Variants in PPARGC1B observed in about 807,000 individuals in gnomAD.
The protein encoded by PPARGC1B is PPARG coactivator 1 beta, also known as peroxisome proliferator-activated receptor gamma coactivator 1-beta.
A neutral mutation model predicts 101.6 loss-of-function variants in PPARGC1B; 34 were observed. The observed-to-expected ratio is 0.33, with a 90% CI of 0.25 to 0.45. The LOEUF (loss-of-function observed/expected upper bound fraction) is 0.45. Ranked by LOEUF, PPARGC1B falls within the 20% of genes least tolerant of loss-of-function variation. The probability of loss-of-function intolerance (pLI) is 1.00; values close to 1 mark genes in which losing one functional copy is unlikely to be tolerated. For missense variants in PPARGC1B, 1,234 were observed against 1,317.6 expected (o/e 0.94, Z 0.98); for synonymous variants, 548 against 539.3 (o/e 1.02, Z -0.22).
At chr5:149,754,954 G>GTA (rs747721365) in intron 1 of PPARGC1B, among the ~76,000 whole-genome samples, 41 of 145,684 alleles carry the variant, frequency 2.8e-4, no homozygotes, top group Admixed American at 6.2e-4. Context: ...ACCAATTTTT[G>GTA]TATATATATA....
intron 1 of PPARGC1B, among the ~76,000 whole-genome samples, chr5:149,761,170 A>G (rs1755703399): frequency 6.6e-6 from 1 of 152,188 alleles, no homozygotes; most frequent in African/African-American, 2.4e-5. Context: ...TGATGTATGT[A>G]TATACTGTGA....
At chr5:149,759,115 C>G (rs1755631304) in intron 1 of PPARGC1B, among the ~76,000 whole-genome samples, 1 of 151,960 alleles carries the variant, frequency 6.6e-6, no homozygotes, top group African/African-American at 2.4e-5. Flanking sequence ...ATCATATTGT[C>G]TTTATGACTT....
Position 149,804,630 on chromosome 5 carries a change from G to A in PPARGC1B, c.79-15803G>A, listed in dbSNP as rs891023201. 2.0e-5 allele frequency among the ~76,000 whole-genome samples: 3 copies of A among 152,142 alleles called. No individual in the cohort carries two copies. The South Asian group carries it at 6.2e-4, about 31-fold the overall frequency. On this transcript the variant is annotated intron_variant, in intron 1 of 11. Transcript: ENST00000309241. Reference sequence around the variant, plus strand: ...GATTGCAGTGAGGTGAGCTCACACCGCTGCACTCCAGCTGGGGCGACAGAG... The same window carrying A: ...GATTGCAGTGAGGTGAGCTCACACCACTGCACTCCAGCTGGGGCGACAGAG...
intron 1 of PPARGC1B, chr5:149,771,832 T>G: frequency 2.6e-6 from 1 of 381,816 alleles, no homozygotes; most frequent in Non-Finnish European, 4.6e-6. Context: ...AGGCTCTGAG[T>G]TGTAGCATTT....
chr5:149,841,601 C>T lies in PPARGC1B; in HGVS notation c.2695-655C>T, dbSNP rs758943757. On this transcript the variant is annotated intron_variant, in intron 9 of 11. Transcript: ENST00000309241. ...CCAGGAACAAGCCTGCAGCTTCTCT[C>T]GCAGGTCAGAGTGATTTGTCCAATA... 2.2e-4 allele frequency among the ~76,000 whole-genome samples: 34 copies of T among 152,160 alleles called. 1 individual carries two copies. Among genetic ancestry groups the T allele is most frequent in the Admixed American group, 1.1e-3 (17 of 15,288 alleles).
intron 1 of PPARGC1B, among the ~76,000 whole-genome samples, chr5:149,746,116 G>A (rs1755080173): frequency 6.6e-6 from 1 of 152,202 alleles, no homozygotes; most frequent in African/African-American, 2.4e-5. Flanking sequence ...TGCTTCCACA[G>A]TGTGGTCAGG....
intron 1 of PPARGC1B, among the ~76,000 whole-genome samples, chr5:149,790,923 C>T (rs1336432901): frequency 6.6e-6 from 1 of 152,098 alleles, no homozygotes; most frequent in African/African-American, 2.4e-5. Flanking sequence ...GCCCAGGACC[C>T]TGCATTTTCA....
chr5:149,755,237 T>TA, intron 1 of PPARGC1B, among the ~76,000 whole-genome samples: 1 of 151,374 alleles, frequency 6.6e-6, no homozygotes, highest in African/African-American at 2.4e-5. Flanking sequence ...TTAAAAAAGT[T>TA]TTTTTTTAAG....
At chr5:149,797,382 T>C (rs1012543) in intron 1 of PPARGC1B, among the ~76,000 whole-genome samples, 34,104 of 152,202 alleles carry the variant, frequency 0.22, 4,204 homozygotes, top group East Asian at 0.33. Flanking sequence ...AAAGTATTAG[T>C]GGTAACGGTG....
chr5:149,801,337 G>A (rs1396145960), intron 1 of PPARGC1B, among the ~76,000 whole-genome samples: 1 of 152,150 alleles, frequency 6.6e-6, no homozygotes, highest in Admixed American at 6.5e-5. Flanking sequence ...TATATGATCT[G>A]CAAGCTCAAA....
At position 149,730,720 on chromosome 5, in the gene PPARGC1B, G is replaced by A. The variant is rs773714715; in HGVS notation, c.78+300G>A. ...CTGGGGGGTACCGCGCTTCCTTTGG[G>A]AGGTGGAGGCGCGCCACGGTGTGGG... is the stretch of plus-strand genomic sequence containing the variant. On this transcript the variant is annotated intron_variant, in intron 1 of 11. Transcript: ENST00000309241. This position sits in a 1 kb window ranked among gnomAD's most constrained non-coding sequence, Gnocchi z 4.0. Among the ~76,000 whole-genome samples, 2 of 152,204 alleles carry A rather than the reference G, an allele frequency of 1.3e-5. No individual in the cohort carries two copies. Among genetic ancestry groups the A allele is most frequent in the African/African-American group, 2.4e-5 (1 of 41,464 alleles).
chr5:149,761,616 T>C (rs1432942770), intron 1 of PPARGC1B: 2 of 152,224 alleles, frequency 1.3e-5, no homozygotes, highest in South Asian at 2.1e-4. Context: ...AAATGTGGTA[T>C]GTACATATAA....
intron 1 of PPARGC1B, among the ~76,000 whole-genome samples, chr5:149,758,399 C>G (rs753284607): frequency 6.6e-6 from 1 of 152,268 alleles, no homozygotes; most frequent in Non-Finnish European, 1.5e-5. Flanking sequence ...AGCAGACCAT[C>G]TCCATTCTCT....
At chr5:149,786,576 A>C (rs1756817718) in intron 1 of PPARGC1B, among the ~76,000 whole-genome samples, 1 of 152,232 alleles carries the variant, frequency 6.6e-6, no homozygotes. Context: ...CCCCAGGGGC[A>C]GGAGCCAAGA....
intron 1 of PPARGC1B, among the ~76,000 whole-genome samples, chr5:149,794,055 G>C (rs1008734336): frequency 6.6e-6 from 1 of 152,208 alleles, no homozygotes; most frequent in Non-Finnish European, 1.5e-5. Flanking sequence ...GAGTTGAGAA[G>C]TCATAGCAGA....
rs555878399 is a variant in PPARGC1B at position 149,755,522 on chromosome 5, CT to C, written c.78+25107del. 7.9e-5 allele frequency among the ~76,000 whole-genome samples: 12 copies of C among 152,076 alleles called. No individual in the cohort carries two copies. In the South Asian group the frequency reaches 2.5e-3, roughly 32 times the overall value. The stretch of plus-strand genomic sequence containing the variant: ...GTAAACCCTGGACTGTGGACTTAGC[CT>C]TTTTGGGCCACGGTTGCAGAAGATG... On this transcript the variant is annotated intron_variant, in intron 1 of 11. Transcript: ENST00000309241.
chr5:149,818,948 C>T, intron 1 of PPARGC1B: 2 of 450,250 alleles, frequency 4.4e-6, no homozygotes, highest in East Asian at 1.4e-4. Context: ...TGCCAGGCCC[C>T]AGGGCCAACA....
In PPARGC1B at chr5:149,832,345, G is replaced by C. The variant is rs527553305; in HGVS notation, c.583-311G>C. The stretch of plus-strand genomic sequence containing the variant: ...ACCATGAACCTACTGCCCGGCTCTT[G>C]GCTGAGGGGTACGGAGCAGGGAGGC... On this transcript the variant is annotated intron_variant, in intron 4 of 11. Coordinates refer to ENST00000309241, the MANE Select transcript of PPARGC1B (RefSeq NM_133263.4). This position sits in a 1 kb window ranked among gnomAD's most constrained non-coding sequence, Gnocchi z 4.9. Among the ~76,000 whole-genome samples the C allele has an allele frequency of 6.6e-6, 1 of 152,172 alleles. No individual in the cohort carries two copies. Among genetic ancestry groups the C allele is most frequent in the African/African-American group, 2.4e-5 (1 of 41,494 alleles).
intron 1 of PPARGC1B, among the ~76,000 whole-genome samples, chr5:149,772,343 C>A (rs1301602144): frequency 6.6e-6 from 1 of 152,052 alleles, no homozygotes; most frequent in South Asian, 2.1e-4. Flanking sequence ...GGTGATGCAG[C>A]CAGTCTCCTG....
Sources: gnomAD v4.1 joint callset for allele counts (sites outside exome capture counted in the v4.1 genomes callset) on GRCh38, gnomAD v4.1.1 for gene constraint, Gnocchi (gnomAD v3.1) non-coding constraint, MANE v1.5 for transcripts, NCBI Gene and HGNC (gene_info 2026-07-23, HGNC 2026-07-21) for gene names.